Variants in WDR35 observed in about 807,000 individuals in gnomAD.
WDR35 encodes the protein WD repeat domain 35, also known as WD repeat-containing protein 35.
Under a neutral mutation model 158.3 loss-of-function variants are expected in WDR35, and 118 were observed. The ratio of observed to expected loss-of-function variants is 0.75; its 90% CI spans 0.64 to 0.87. The LOEUF (loss-of-function observed/expected upper bound fraction) is 0.87, where lower values mean the gene tolerates loss of function less well. Ranked by LOEUF, WDR35 falls within the 40% of genes least tolerant of loss-of-function variation. The pLI is 0.00. For missense variants in WDR35, 1,263 were observed against 1,405.8 expected (o/e 0.90, Z 1.62); for synonymous variants, 448 against 476.1 (o/e 0.94, Z 0.77).
intron 10 of WDR35, among the ~76,000 whole-genome samples, chr2:19,963,660 A>G (rs1422585366): frequency 6.6e-6 from 1 of 152,184 alleles, no homozygotes; most frequent in Non-Finnish European, 1.5e-5. Context: ...TTCCTAAGAT[A>G]GGGAAGCTTG....
intron 19 of WDR35, 68 bp downstream of exon 19, chr2:19,937,675 T>C: frequency 6.3e-7 from 1 of 1,599,452 alleles, no homozygotes; most frequent in South Asian, 1.1e-5. Flanking sequence ...ATTTATAGTT[T>C]CCATTTGTAA....
chr2:19,964,848 T>C (rs1671797683), intron 10 of WDR35, among the ~76,000 whole-genome samples: 1 of 152,216 alleles, frequency 6.6e-6, no homozygotes, highest in Non-Finnish European at 1.5e-5. Context: ...AAAAACTTCC[T>C]CTTCTATAGT....
Position 19,948,215 on chromosome 2 carries a change from G to A in WDR35, c.1473C>T (p.Gly491=), listed in dbSNP as rs148558110. Residue 491 remains glycine, a splice_region_variant and synonymous_variant, in exon 14 of 27, where the codon GGC becomes GGT. Coordinates refer to ENST00000281405, the MANE Select transcript of WDR35 (RefSeq NM_020779.4). ...TTATGGCACAAATTGGATCCCTTGT[G>A]CCCTAAAATAAATTAATCAATCATT... ...GVLDYSKTIQ[G]TRDPICAITA... 47 of 1,609,876 alleles carry A rather than the reference G, an allele frequency of 2.9e-5. No homozygotes were observed. The highest frequency in any genetic ancestry group is 3.9e-5 in the Non-Finnish European group (46 of 1,178,592).
Position 19,947,284 on chromosome 2 carries a change from A to G in WDR35, c.1525-714T>C, listed in dbSNP as rs554431282. Among the ~76,000 whole-genome samples the G allele has an allele frequency of 1.2e-3, 186 of 152,318 alleles. 1 individual carries two copies. Among genetic ancestry groups the G allele is most frequent in the African/African-American group, 4.4e-3 (182 of 41,572 alleles). ...ATCTTTAACTCTCTTCTTTTTAATC[A>G]GAGAACCACTGCTTTTGCAGCATGA... On this transcript the variant is annotated intron_variant, in intron 14 of 26. Coordinates refer to ENST00000281405, the MANE Select transcript of WDR35 (RefSeq NM_020779.4).
intron 25 of WDR35, among the ~76,000 whole-genome samples, chr2:19,923,669 C>T (rs145012034): frequency 1.5e-3 from 228 of 152,280 alleles, no homozygotes; most frequent in African/African-American, 5.3e-3. Context: ...ACTGTTCGAA[C>T]AGCACCTTGA....
chr2:19,938,227 C>T lies in WDR35; in HGVS notation c.2063+38G>A, dbSNP rs781314574. ...ACAAAACTGAGACTTTAAAAACCTA[C>T]ACCTGACATCCTGGGAGAGTTTGCT... On this transcript the variant is annotated intron_variant, in intron 18 of 26. Transcript: ENST00000281405. 3.1e-6 allele frequency: 5 copies of T among 1,613,802 alleles called. No individual in the cohort carries two copies. The highest frequency in any genetic ancestry group is 4.2e-6 in the Non-Finnish European group (5 of 1,179,924).
intron 17 of WDR35, among the ~76,000 whole-genome samples, chr2:19,940,343 G>A (rs905810617): frequency 1.3e-5 from 2 of 152,086 alleles, no homozygotes; most frequent in African/African-American, 4.8e-5. Context: ...CTCCAGCCTG[G>A]GCAACAGAGA....
chr2:19,968,810 G>C (rs1003577874), intron 9 of WDR35, among the ~76,000 whole-genome samples: 1 of 152,148 alleles, frequency 6.6e-6, no homozygotes, highest in Admixed American at 6.5e-5. Flanking sequence ...TTAAATTCAA[G>C]ATAAAATACT....
At chr2:19,940,933 A>C (rs573131492) in intron 17 of WDR35, among the ~76,000 whole-genome samples, 19 of 152,110 alleles carry the variant, frequency 1.2e-4, no homozygotes, top group Non-Finnish European at 2.4e-4. Flanking sequence ...ATCCAAACCA[A>C]ATTTTGGGTG....
chr2:19,987,665 T>C (rs998248395), intron 2 of WDR35, among the ~76,000 whole-genome samples: 1 of 151,078 alleles, frequency 6.6e-6, no homozygotes, highest in Non-Finnish European at 1.5e-5. Context: ...CTACTAAAAA[T>C]ACAAAAAAAT....
At chr2:19,928,864 C>T (rs991534316) in intron 25 of WDR35, among the ~76,000 whole-genome samples, 12 of 151,304 alleles carry the variant, frequency 7.9e-5, no homozygotes, top group African/African-American at 1.5e-4. Context: ...TGGAGTGCAG[C>T]GGTGCGATCT....
intron 9 of WDR35, among the ~76,000 whole-genome samples, chr2:19,968,335 C>T (rs1020939911): frequency 2.6e-5 from 4 of 152,194 alleles, no homozygotes; most frequent in Non-Finnish European, 5.9e-5. Flanking sequence ...TGTAGCCACA[C>T]TCAAGCCAGG....
In WDR35 at chr2:19,946,030, C is replaced by A. The variant is rs995865311; in HGVS notation, c.1635-34G>T. 3.1e-6 allele frequency: 5 copies of A among 1,596,492 alleles called. No individual in the cohort carries two copies. The East Asian group carries it at 8.9e-5, about 29-fold the overall frequency. On this transcript the variant is annotated intron_variant, in intron 15 of 26. Coordinates refer to ENST00000281405, the MANE Select transcript of WDR35 (RefSeq NM_020779.4). ...AATGCAATTAGAGAAAAGGAAAAAA[C>A]TATAAAATTACTATCAGCAATCATG...
At chr2:19,966,940 A>G in intron 9 of WDR35, 31 bp from the exon 10 acceptor site, 3 of 1,604,010 alleles carry the variant, frequency 1.9e-6, no homozygotes, top group Non-Finnish European at 2.6e-6. Flanking sequence ...AAAGGGAAGG[A>G]GATTGAAAGG....
chr2:19,971,989 A>G lies in WDR35; in HGVS notation c.882+1574T>C, dbSNP rs943928770. Among the ~76,000 whole-genome samples, 5 of 152,190 alleles carry G rather than the reference A, an allele frequency of 3.3e-5. No homozygotes were observed. The East Asian group carries it at 5.8e-4, about 18-fold the overall frequency. On this transcript the variant is annotated intron_variant, in intron 8 of 26. Transcript: ENST00000281405. ...AAATAACTTCTCTACGTCAAACTACACTGTGGAAAATGAATTCAATACCAG... is the reference window on the plus strand; with the variant it reads ...AAATAACTTCTCTACGTCAAACTACGCTGTGGAAAATGAATTCAATACCAG...
In WDR35 at chr2:19,935,453, A is replaced by G. The variant is rs781754996; in HGVS notation, c.2547+18T>C. 1 of 1,611,984 alleles carries G rather than the reference A, an allele frequency of 6.2e-7. No homozygotes were observed. Among genetic ancestry groups the G allele is most frequent in the Non-Finnish European group, 8.5e-7 (1 of 1,179,162 alleles). ...AAGTAACCTAACAATTCCAAAAACTAAAATTTGCAATACCTACTGGAAGTA... is the reference window on the plus strand; with the variant it reads ...AAGTAACCTAACAATTCCAAAAACTGAAATTTGCAATACCTACTGGAAGTA... On this transcript the variant is annotated intron_variant, in intron 21 of 26. Coordinates refer to ENST00000281405, the MANE Select transcript of WDR35 (RefSeq NM_020779.4).
intron 20 of WDR35, among the ~76,000 whole-genome samples, chr2:19,935,872 A>AAT (rs66755297): frequency 4.4e-5 from 2 of 45,084 alleles, no homozygotes; most frequent in Non-Finnish European, 8.9e-5. Context: ...AAATGAAAAG[A>AAT]AAAGCCAATG....
intron 13 of WDR35, among the ~76,000 whole-genome samples, chr2:19,950,582 A>G (rs1354249582): frequency 6.6e-6 from 1 of 152,220 alleles, no homozygotes; most frequent in African/African-American, 2.4e-5. Flanking sequence ...CAATTTCCCA[A>G]AAGTTCCCTG....
At position 19,941,864 on chromosome 2, in the gene WDR35, G is replaced by A. The variant is rs1482886383; in HGVS notation, c.1846-25C>T. 2.7e-6 allele frequency: 4 copies of A among 1,479,322 alleles called. No individual in the cohort carries two copies. In the African/African-American group the frequency reaches 4.2e-5, roughly 15 times the overall value. 91.6% of individuals were successfully genotyped at this position (1,479,322 alleles called of 1,614,324 possible). ...CCTTTAAAGACAAAAAAAAAGTTAT[G>A]TTTCATTATGCAAAATTTCCTCTCT... On this transcript the variant is annotated intron_variant, in intron 16 of 26. Transcript: ENST00000281405.
Sources: gnomAD v4.1 joint callset for allele counts (sites outside exome capture counted in the v4.1 genomes callset) on GRCh38, gnomAD v4.1.1 for gene constraint, MANE v1.5 for transcripts, NCBI Gene and HGNC (gene_info 2026-07-23, HGNC 2026-07-21) for gene names.